The following DYNC1I1 variants were observed in gnomAD, a reference collection of about 807,000 sequenced individuals.
The protein encoded by DYNC1I1 is dynein cytoplasmic 1 intermediate chain 1, also known as cytoplasmic dynein 1 intermediate chain 1.
In DYNC1I1, 43 loss-of-function variants were observed where a neutral mutation model predicts 86.6. The observed-to-expected ratio is 0.50, with a 90% confidence interval of 0.39 to 0.64. The LOEUF is 0.64. Ranked by LOEUF, DYNC1I1 falls within the 30% of genes least tolerant of loss-of-function variation. DYNC1I1 has a pLI of 0.00. For missense variants in DYNC1I1, 604 were observed against 788.8 expected, an observed-to-expected ratio of 0.77 and a Z score of 2.81; for synonymous variants, 262 against 283.7, an observed-to-expected ratio of 0.92 and a Z score of 0.77.
intron 6 of DYNC1I1, among the ~76,000 whole-genome samples, chr7:95,921,197 C>T (rs1034915234): frequency 3.3e-5 from 5 of 152,124 alleles, no homozygotes; most frequent in Admixed American, 3.3e-4. Flanking sequence ...GAAAAAACGA[C>T]TTTTCCATCC....
chr7:95,987,264 T>C (rs1793620194), intron 9 of DYNC1I1, 109 bp downstream of exon 9: 1 of 985,360 alleles, frequency 1.0e-6, no homozygotes, highest in South Asian at 1.5e-5. Flanking sequence ...CTATGCCTGT[T>C]GGTTTTTTTC....
chr7:95,807,410 T>C (rs550739565), intron 2 of DYNC1I1, among the ~76,000 whole-genome samples: 1 of 152,166 alleles, frequency 6.6e-6, no homozygotes, highest in African/African-American at 2.4e-5. Context: ...ATACAGCCAG[T>C]TTCCCAGATC....
At chr7:95,852,499 T>C (rs1337026272) in intron 5 of DYNC1I1, among the ~76,000 whole-genome samples, 2 of 152,076 alleles carry the variant, frequency 1.3e-5, no homozygotes, top group Non-Finnish European at 2.9e-5. Flanking sequence ...TTTTCTTCTC[T>C]AATTTATTTA....
At chr7:96,101,412 TAGGAGGGAGGACACC>T (rs1176444226), downstream of DYNC1I1, among the ~76,000 whole-genome samples, 6 of 152,194 alleles carry the variant, frequency 3.9e-5, no homozygotes, top group South Asian at 4.2e-4. Flanking sequence ...AGGAGGTTGC[TAGGAGGGAGGACACC>T]AGGAGGGAGG....
chr7:95,951,884 C>T (rs1452047239), intron 6 of DYNC1I1, among the ~76,000 whole-genome samples: 1 of 152,174 alleles, frequency 6.6e-6, no homozygotes, highest in South Asian at 2.1e-4. Context: ...TGCTTCTTTT[C>T]TGTATATGTT....
intron 14 of DYNC1I1, among the ~76,000 whole-genome samples, chr7:96,055,357 A>T (rs187108592): frequency 1.3e-5 from 2 of 152,024 alleles, no homozygotes; most frequent in South Asian, 2.1e-4. Context: ...GGGTATACCT[A>T]TGTAACAAAC....
chr7:95,789,960 G>T (rs1270598515), intron 1 of DYNC1I1, among the ~76,000 whole-genome samples: 2 of 152,178 alleles, frequency 1.3e-5, no homozygotes, highest in Non-Finnish European at 2.9e-5. Flanking sequence ...TTACATCACA[G>T]AAATGGCTGC....
chr7:95,899,099 T>C (rs1790967071), intron 6 of DYNC1I1, among the ~76,000 whole-genome samples: 1 of 152,144 alleles, frequency 6.6e-6, no homozygotes, highest in East Asian at 1.9e-4. Context: ...AATCCACAAG[T>C]CTCAGACCTT....
chr7:95,924,829 A>G (rs1448496369), intron 6 of DYNC1I1, among the ~76,000 whole-genome samples: 1 of 152,186 alleles, frequency 6.6e-6, no homozygotes, highest in Non-Finnish European at 1.5e-5. Context: ...CTGCATGGGC[A>G]GGAATGGAGG....
chr7:95,892,325 C>A (rs1459613416), intron 6 of DYNC1I1, among the ~76,000 whole-genome samples: 1 of 151,204 alleles, frequency 6.6e-6, no homozygotes, highest in Non-Finnish European at 1.5e-5. Context: ...TTTTCTTCCC[C>A]CCGAGACAGA....
intron 6 of DYNC1I1, among the ~76,000 whole-genome samples, chr7:95,886,884 T>C (rs1214533322): frequency 6.6e-6 from 1 of 152,210 alleles, no homozygotes; most frequent in African/African-American, 2.4e-5. Flanking sequence ...TAACTAGACA[T>C]GGCAGAGGAA....
intron 6 of DYNC1I1, among the ~76,000 whole-genome samples, chr7:95,952,883 G>A (rs1383518563): frequency 1.3e-5 from 2 of 151,860 alleles, no homozygotes; most frequent in African/African-American, 4.8e-5. Context: ...TCAGAGTGGA[G>A]CTTAGGGAAT....
chr7:95,811,004 C>T lies in DYNC1I1; in HGVS notation c.223+498C>T, dbSNP rs189177273. On this transcript the variant is annotated intron_variant, in intron 3 of 16. Coordinates refer to ENST00000447467, the MANE Select transcript of DYNC1I1 (RefSeq NM_001135556.2). ...AACAAAATGGTGGCAGATTAGCAGC[C>T]GATTAACAAGTTTAAATTAATTTGA... is the stretch of plus-strand genomic sequence containing the variant. Among the ~76,000 whole-genome samples, 201 of 152,128 alleles carry T rather than the reference C, an allele frequency of 1.3e-3. 1 individual carries two copies. Among genetic ancestry groups the T allele is most frequent in the Admixed American group, 4.4e-3 (67 of 15,262 alleles).
intron 14 of DYNC1I1, among the ~76,000 whole-genome samples, chr7:96,041,303 A>C (rs190217556): frequency 6.6e-6 from 1 of 152,230 alleles, no homozygotes; most frequent in Non-Finnish European, 1.5e-5. Context: ...CAGATTGACA[A>C]AAATCTAAGT....
At chr7:96,094,208 C>T (rs1236305336) in intron 16 of DYNC1I1, among the ~76,000 whole-genome samples, 1 of 152,024 alleles carries the variant, frequency 6.6e-6, no homozygotes, top group Non-Finnish European at 1.5e-5. Flanking sequence ...AAACACAGTG[C>T]CTGACATATA....
chr7:96,056,070 G>A (rs185181964), intron 14 of DYNC1I1: 1 of 152,254 alleles, frequency 6.6e-6, no homozygotes, highest in East Asian at 1.9e-4. Context: ...TACATTAAGG[G>A]ATTTGACGGG....
chr7:95,960,363 T>C (rs1262100981), intron 6 of DYNC1I1, among the ~76,000 whole-genome samples: 3 of 152,160 alleles, frequency 2.0e-5, no homozygotes, highest in African/African-American at 7.2e-5. Flanking sequence ...TGCCTCAGCC[T>C]CCCAAAGTGC....
At chr7:95,948,348 G>A (rs1326478309) in intron 6 of DYNC1I1, among the ~76,000 whole-genome samples, 1 of 152,140 alleles carries the variant, frequency 6.6e-6, no homozygotes, top group East Asian at 1.9e-4. Context: ...GGGACTCTAG[G>A]CCTGCCTGAA....
intron 10 of DYNC1I1, among the ~76,000 whole-genome samples, chr7:96,007,348 G>A (rs1794166059): frequency 6.6e-6 from 1 of 152,170 alleles, no homozygotes; most frequent in Non-Finnish European, 1.5e-5. Context: ...ATCCAACAGT[G>A]TTGAATCTTG....
Sources: gnomAD v4.1 joint callset for allele counts (sites outside exome capture counted in the v4.1 genomes callset) on GRCh38, gnomAD v4.1.1 for gene constraint, MANE v1.5 for transcripts, NCBI Gene and HGNC (gene_info 2026-07-23, HGNC 2026-07-21) for gene names.